The following MACROH2A2 variants were observed in gnomAD, a reference collection of about 807,000 sequenced individuals.
MACROH2A2 encodes the protein core histone macro-H2A.2.
In MACROH2A2, 6 loss-of-function variants were observed where a neutral mutation model predicts 37.6. The observed-to-expected ratio is 0.16, with a 90% CI of 0.09 to 0.32. The LOEUF (loss-of-function observed/expected upper bound fraction) is 0.32. MACROH2A2 is among the 10% of genes least tolerant of loss of function. The pLI is 1.00. For synonymous variants in MACROH2A2, 192 were observed against 202.7 expected, an observed-to-expected ratio of 0.95 and a Z score of 0.45; for missense variants, 290 against 485.9, an observed-to-expected ratio of 0.60 and a Z score of 3.79.
In MACROH2A2 at chr10:70,103,183, G is replaced by A. The variant is rs537407389; in HGVS notation, c.778+2886G>A. On this transcript the variant is annotated intron_variant, in intron 7 of 8. Transcript: ENST00000373255. ...CAAGCCCAGGGCCACATTGCCCACC[G>A]ACTCAATGTTTGGCTCTACCACATC... Among the ~76,000 whole-genome samples the A allele has an allele frequency of 1.1e-4, 17 of 152,208 alleles. No homozygotes were observed. In the South Asian group the frequency reaches 3.1e-3, roughly 28 times the overall value.
chr10:70,109,485 G>T (rs1285961950), intron 8 of MACROH2A2, among the ~76,000 whole-genome samples: 2 of 152,250 alleles, frequency 1.3e-5, no homozygotes, highest in African/African-American at 2.4e-5. Context: ...GGAGGAGCGG[G>T]AGGCAGAGGC....
intron 3 of MACROH2A2, among the ~76,000 whole-genome samples, chr10:70,091,402 A>C (rs965605405): frequency 3.9e-5 from 6 of 152,232 alleles, no homozygotes; most frequent in Non-Finnish European, 7.3e-5. Context: ...CAGGCCAGGC[A>C]CAGTGGCCCA....
At chr10:70,091,677 A>C (rs74662724) in intron 3 of MACROH2A2, 80 bp from the exon 4 acceptor site, 1 of 795,128 alleles carries the variant, frequency 1.3e-6, no homozygotes. Flanking sequence ...CTGTATCAAA[A>C]AAAAAAAAAA....
intron 2 of MACROH2A2, among the ~76,000 whole-genome samples, chr10:70,078,634 A>T (rs1160329785): frequency 3.3e-5 from 5 of 152,214 alleles, no homozygotes; most frequent in African/African-American, 9.6e-5. Context: ...GGCGTATAGG[A>T]TGCACTCAAT....
In MACROH2A2 at chr10:70,065,718, TC is replaced by T. The variant is rs553073806; in HGVS notation, c.-59-9880del. ...AGACTTGGACTATTAATCCAGGAGA[TC>T]CAATACCTGGTTTACAGGAATCTCA... is the stretch of plus-strand genomic sequence containing the variant. On this transcript the variant is annotated intron_variant, in intron 1 of 8. Coordinates refer to ENST00000373255, the MANE Select transcript of MACROH2A2 (RefSeq NM_018649.3). 2.6e-5 allele frequency among the ~76,000 whole-genome samples: 4 copies of T among 151,804 alleles called. No homozygotes were observed. The East Asian group carries it at 7.7e-4, about 29-fold the overall frequency.
At chr10:70,097,596 TA>T (rs2072283165) in intron 6 of MACROH2A2, among the ~76,000 whole-genome samples, 1 of 152,154 alleles carries the variant, frequency 6.6e-6, no homozygotes, top group Admixed American at 6.5e-5. Context: ...TCAGATGCAA[TA>T]ATCACCACCC....
Position 70,106,955 on chromosome 10 carries a change from T to C in MACROH2A2, c.779-2078T>C, listed in dbSNP as rs1247497328. ...AATAGCAGCCAGGTGCTCGGGAAGA[T>C]GGCACCATGCAGGCAAGGCCCATCT... is the stretch of plus-strand genomic sequence containing the variant. On this transcript the variant is annotated intron_variant, in intron 7 of 8. Coordinates refer to ENST00000373255, the MANE Select transcript of MACROH2A2 (RefSeq NM_018649.3). 2.0e-5 allele frequency among the ~76,000 whole-genome samples: 3 copies of C among 152,194 alleles called. No homozygotes were observed. The East Asian group carries it at 5.8e-4, about 29-fold the overall frequency.
chr10:70,075,733 G>T lies in MACROH2A2; in HGVS notation c.75G>T (p.Val25=). 1 of 1,614,102 alleles carries T rather than the reference G, an allele frequency of 6.2e-7. No individual in the cohort carries two copies. Among genetic ancestry groups the T allele is most frequent in the East Asian group, 2.2e-5 (1 of 44,886 alleles). Residue 25 remains valine, a synonymous_variant, in exon 2 of 9, where the codon GTG becomes GTT. Coordinates refer to ENST00000373255, the MANE Select transcript of MACROH2A2 (RefSeq NM_018649.3). This position sits in a 1 kb window ranked among gnomAD's most constrained non-coding sequence, Gnocchi z 5.0. ...CTAGGGCAGGTGTCATCTTTCCAGT[G>T]GGGAGGCTGATGCGTTATCTGAAGA... ...RSARAGVIFP[V]GRLMRYLKKG... is the part of the protein sequence containing the mutation.
intron 8 of MACROH2A2, among the ~76,000 whole-genome samples, chr10:70,110,001 C>T (rs1296895472): frequency 2.6e-5 from 4 of 152,120 alleles, no homozygotes; most frequent in Admixed American, 1.3e-4. Flanking sequence ...TCCTGGGAAG[C>T]CCAAGAGGAA....
In MACROH2A2 at chr10:70,107,956, C is replaced by T. The variant is rs527419903; in HGVS notation, c.779-1077C>T. On this transcript the variant is annotated intron_variant, in intron 7 of 8. Coordinates refer to ENST00000373255, the MANE Select transcript of MACROH2A2 (RefSeq NM_018649.3). This position sits in a 1 kb window ranked among gnomAD's most constrained non-coding sequence, Gnocchi z 4.4. ...ACAGTAGGCCAGGTGTGATGGCTCACGCCTGTAATCCCAGCACTTTGGGTG... is the reference window on the plus strand; with the variant it reads ...ACAGTAGGCCAGGTGTGATGGCTCATGCCTGTAATCCCAGCACTTTGGGTG... Among the ~76,000 whole-genome samples the T allele has an allele frequency of 6.6e-6, 1 of 152,282 alleles. No individual in the cohort carries two copies. The highest frequency in any genetic ancestry group is 1.5e-5 in the Non-Finnish European group (1 of 68,020).
intron 1 of MACROH2A2, among the ~76,000 whole-genome samples, chr10:70,072,059 A>C (rs1043359730): frequency 1.3e-4 from 20 of 152,184 alleles, no homozygotes; most frequent in Non-Finnish European, 2.9e-5. Flanking sequence ...ACCTTAGCTT[A>C]CTGTAATTTT....
At chr10:70,065,729 G>A (rs1016055640) in intron 1 of MACROH2A2, among the ~76,000 whole-genome samples, 4 of 152,078 alleles carry the variant, frequency 2.6e-5, no homozygotes, top group Non-Finnish European at 5.9e-5. Context: ...CCAATACCTG[G>A]TTTACAGGAA....
intron 1 of MACROH2A2, among the ~76,000 whole-genome samples, chr10:70,059,376 C>CTT (rs34193972): frequency 1.4e-5 from 2 of 143,336 alleles, no homozygotes; most frequent in Non-Finnish European, 3.1e-5. Flanking sequence ...AGTATAATTT[C>CTT]TTTTTTTTTT....
At chr10:70,104,988 G>A (rs1347761864) in intron 7 of MACROH2A2, among the ~76,000 whole-genome samples, 1 of 152,232 alleles carries the variant, frequency 6.6e-6, no homozygotes, top group Non-Finnish European at 1.5e-5. Flanking sequence ...CGGGGAGGGT[G>A]GATCAAGAAA....
chr10:70,111,397 G>A (rs1401896573), intron 8 of MACROH2A2, 121 bp from the exon 9 acceptor site: 8 of 821,208 alleles, frequency 9.7e-6, no homozygotes, highest in Admixed American at 5.1e-5. Context: ...GGTCAAAGGA[G>A]ATCATGCATG....
chr10:70,059,651 G>A (rs191173964), intron 1 of MACROH2A2, among the ~76,000 whole-genome samples: 4 of 152,138 alleles, frequency 2.6e-5, no homozygotes, highest in East Asian at 1.9e-4. Context: ...GATTACAGGC[G>A]TGAGCCACCG....
At chr10:70,111,480 A>C (rs763560140) in intron 8 of MACROH2A2, 38 bp from the exon 9 acceptor site, 1 of 1,599,132 alleles carries the variant, frequency 6.3e-7, no homozygotes, top group Non-Finnish European at 8.5e-7. Context: ...GGTCCCAGGG[A>C]CCAAAATGAC....
Position 70,079,225 on chromosome 10 carries a change from A to G in MACROH2A2, c.172+3395A>G, listed in dbSNP as rs1240529994. 2.6e-5 allele frequency among the ~76,000 whole-genome samples: 4 copies of G among 152,132 alleles called. No homozygotes were observed. The South Asian group carries it at 8.3e-4, about 32-fold the overall frequency. The stretch of plus-strand genomic sequence containing the variant: ...ACCCTGCATTTTCTCGTATCGATTG[A>G]TTTCAAATCCTGATGCCTGGGTCCC... On this transcript the variant is annotated intron_variant, in intron 2 of 8. Transcript: ENST00000373255.
At chr10:70,094,938 G>T (rs1021241808) in intron 5 of MACROH2A2, among the ~76,000 whole-genome samples, 1 of 152,190 alleles carries the variant, frequency 6.6e-6, no homozygotes, top group Non-Finnish European at 1.5e-5. Flanking sequence ...TGTTCTTCTA[G>T]GGAGAATGCA....
Sources: gnomAD v4.1 joint callset for allele counts (sites outside exome capture counted in the v4.1 genomes callset) on GRCh38, gnomAD v4.1.1 for gene constraint, Gnocchi (gnomAD v3.1) non-coding constraint, MANE v1.5 for transcripts, NCBI Gene and HGNC (gene_info 2026-07-23, HGNC 2026-07-21) for gene names.